Variants in AGBL4 observed in about 807,000 individuals in gnomAD.
The protein encoded by AGBL4 is cytosolic carboxypeptidase 6.
Under a neutral mutation model 66.4 loss-of-function variants are expected in AGBL4, and 58 were observed. The ratio of observed to expected loss-of-function variants is 0.87; its 90% confidence interval spans 0.71 to 1.09. The LOEUF (loss-of-function observed/expected upper bound fraction) is 1.09. AGBL4 is among the 50% of genes least tolerant of loss of function. AGBL4 has a pLI of 0.00. For missense variants in AGBL4, 579 were observed against 631.0 expected (o/e 0.92, Z 0.88); for synonymous variants, 234 against 222.9 (o/e 1.05, Z -0.44).
chr1:49,925,211 A>G (rs1332648487), intron 1 of AGBL4, among the ~76,000 whole-genome samples: 1 of 152,202 alleles, frequency 6.6e-6, no homozygotes, highest in East Asian at 1.9e-4. Flanking sequence ...CTACAGTGGG[A>G]TAGGGCACCT....
intron 1 of AGBL4, among the ~76,000 whole-genome samples, chr1:49,944,374 G>A (rs1655029729): frequency 6.6e-6 from 1 of 152,110 alleles, no homozygotes; most frequent in Non-Finnish European, 1.5e-5. Flanking sequence ...TCATAACACA[G>A]GACTCTGTGC....
chr1:49,886,850 G>A (rs1024360662), intron 1 of AGBL4, among the ~76,000 whole-genome samples: 1 of 152,090 alleles, frequency 6.6e-6, no homozygotes, highest in Admixed American at 6.6e-5. Flanking sequence ...TAATTTATAT[G>A]CTAAAAACAG....
Position 48,897,832 on chromosome 1 carries a change from A to T in AGBL4, c.595-30602T>A, listed in dbSNP as rs1442119205. Among the ~76,000 whole-genome samples, 4 of 134,590 alleles carry T rather than the reference A, an allele frequency of 3.0e-5. No homozygotes were observed. In the East Asian group the frequency reaches 9.3e-4, roughly 31 times the overall value. The allele number at this position is 134,590 out of a possible 152,430, so 88.3% of individuals were successfully genotyped here. A position where few individuals can be genotyped will look rare whatever the true frequency, so the allele number is the denominator to read the frequency against. On this transcript the variant is annotated intron_variant, in intron 5 of 13. Coordinates refer to ENST00000371839, the MANE Select transcript of AGBL4 (RefSeq NM_032785.4). The stretch of plus-strand genomic sequence containing the variant: ...TTTTTTTTTTTTTTTTTTTTTTAAG[A>T]CGGAGTCTCGCTCTGTCACCAGGCC...
intron 6 of AGBL4, among the ~76,000 whole-genome samples, chr1:48,722,567 C>T (rs752676922): frequency 1.3e-5 from 2 of 152,098 alleles, no homozygotes; most frequent in African/African-American, 2.4e-5. Context: ...AATTCAGTGT[C>T]AGTCTCTCTG....
At chr1:49,955,114 T>C (rs1315831382) in intron 1 of AGBL4, among the ~76,000 whole-genome samples, 1 of 151,892 alleles carries the variant, frequency 6.6e-6, no homozygotes, top group African/African-American at 2.4e-5. Flanking sequence ...TGTGACTCGC[T>C]TACAGACAAA....
intron 3 of AGBL4, among the ~76,000 whole-genome samples, chr1:49,332,692 A>G (rs1645358862): frequency 6.6e-6 from 1 of 152,250 alleles, no homozygotes; most frequent in Non-Finnish European, 1.5e-5. Flanking sequence ...AGCCAGTTTC[A>G]GAAGAGTAAT....
At chr1:49,985,959 T>A (rs1370194652) in intron 1 of AGBL4, among the ~76,000 whole-genome samples, 1 of 152,050 alleles carries the variant, frequency 6.6e-6, no homozygotes, top group Non-Finnish European at 1.5e-5. Context: ...AAAAGCCCAA[T>A]TCCTCCTGCT....
In AGBL4 at chr1:49,304,690, A is replaced by AT. The variant is rs1467703621; in HGVS notation, c.283-58827dup. 3.9e-5 allele frequency among the ~76,000 whole-genome samples: 6 copies of AT among 152,222 alleles called. No individual in the cohort carries two copies. The South Asian group carries it at 6.2e-4, about 16-fold the overall frequency. On this transcript the variant is annotated intron_variant, in intron 3 of 13. Transcript: ENST00000371839. ...AATGCAAATTTAAAAAGTGTGTGTAATGGCAATATCATATTATAAATAAAC... is the reference window on the plus strand; with the variant it reads ...AATGCAAATTTAAAAAGTGTGTGTAATTGGCAATATCATATTATAAATAAAC...
intron 4 of AGBL4, among the ~76,000 whole-genome samples, chr1:49,133,808 G>A (rs913571881): frequency 2.0e-5 from 3 of 152,060 alleles, no homozygotes; most frequent in African/African-American, 7.2e-5. Flanking sequence ...TGATGTATAA[G>A]AGCAATACTT....
chr1:49,538,356 A>C (rs907245357), intron 3 of AGBL4, among the ~76,000 whole-genome samples: 8 of 152,204 alleles, frequency 5.3e-5, no homozygotes, highest in African/African-American at 1.9e-4. Flanking sequence ...ATTGCAGCTA[A>C]ATAATGCATA....
At chr1:49,998,094 A>G (rs765124746) in intron 1 of AGBL4, among the ~76,000 whole-genome samples, 1 of 152,106 alleles carries the variant, frequency 6.6e-6, no homozygotes, top group Non-Finnish European at 1.5e-5. Flanking sequence ...AATAACCAAG[A>G]TCAGAACAGA....
intron 2 of AGBL4, among the ~76,000 whole-genome samples, chr1:49,797,283 T>G (rs570163603): frequency 1.3e-4 from 20 of 152,216 alleles, no homozygotes; most frequent in Non-Finnish European, 2.6e-4. Flanking sequence ...TTGTGATGCC[T>G]TGGCATTCAG....
At chr1:48,904,974 A>T (rs1652446787) in intron 5 of AGBL4, among the ~76,000 whole-genome samples, 1 of 152,204 alleles carries the variant, frequency 6.6e-6, no homozygotes, top group African/African-American at 2.4e-5. Context: ...AATAAATGTG[A>T]TCATGTTCCC....
intron 3 of AGBL4, among the ~76,000 whole-genome samples, chr1:49,337,403 C>G (rs981661023): frequency 2.6e-5 from 4 of 152,202 alleles, no homozygotes; most frequent in Non-Finnish European, 4.4e-5. Flanking sequence ...TCCCTGCCAG[C>G]AAGCAGCACA....
chr1:48,729,498 C>T (rs2148550042), intron 6 of AGBL4, among the ~76,000 whole-genome samples: 1 of 152,232 alleles, frequency 6.6e-6, no homozygotes, highest in East Asian at 1.9e-4. Flanking sequence ...CTTGTCATTA[C>T]CAAACCAGCT....
intron 3 of AGBL4, among the ~76,000 whole-genome samples, chr1:49,326,486 G>C (rs962220433): frequency 1.3e-5 from 2 of 152,258 alleles, no homozygotes; most frequent in East Asian, 3.9e-4. Context: ...CCATGAGGGT[G>C]AATGAGATTA....
At chr1:49,818,256 A>G (rs1645280402) in intron 2 of AGBL4, among the ~76,000 whole-genome samples, 1 of 152,196 alleles carries the variant, frequency 6.6e-6, no homozygotes, top group Non-Finnish European at 1.5e-5. Flanking sequence ...GATGACTAAA[A>G]GAAGAACTGA....
At chr1:49,388,592 C>T (rs1454407582) in intron 3 of AGBL4, among the ~76,000 whole-genome samples, 1 of 152,120 alleles carries the variant, frequency 6.6e-6, no homozygotes, top group East Asian at 1.9e-4. Flanking sequence ...AATCATTATC[C>T]TATGATTCTT....
intron 3 of AGBL4, among the ~76,000 whole-genome samples, chr1:49,580,194 A>G (rs1189972319): frequency 6.6e-6 from 1 of 152,024 alleles, no homozygotes; most frequent in Non-Finnish European, 1.5e-5. Context: ...TTTTCAGTCT[A>G]TATGTGTCTT....
Sources: gnomAD v4.1 joint callset for allele counts (sites outside exome capture counted in the v4.1 genomes callset) on GRCh38, gnomAD v4.1.1 for gene constraint, MANE v1.5 for transcripts, NCBI Gene and HGNC (gene_info 2026-07-23, HGNC 2026-07-21) for gene names.